The following MAN1A2 variants were observed in gnomAD, a reference collection of about 807,000 sequenced individuals.
MAN1A2 encodes mannosyl-oligosaccharide 1,2-alpha-mannosidase IB.
A neutral mutation model predicts 75.7 loss-of-function variants in MAN1A2; 26 were observed. The observed-to-expected ratio is 0.34, with a 90% CI of 0.25 to 0.48. MAN1A2 has a LOEUF of 0.48. MAN1A2 is among the 20% of genes least tolerant of loss of function. MAN1A2 has a pLI of 0.99. For synonymous variants in MAN1A2, 247 were observed against 264.6 expected (o/e 0.93, Z 0.65); for missense variants, 562 against 775.5 (o/e 0.72, Z 3.27).
chr1:117,403,328 A>T (rs1647504954), intron 2 of MAN1A2, among the ~76,000 whole-genome samples: 1 of 152,234 alleles, frequency 6.6e-6, no homozygotes, highest in African/African-American at 2.4e-5. Context: ...GAGTAGAAAT[A>T]GAGCTGTGCT....
At chr1:117,400,345 T>G (rs1459941837) in intron 1 of MAN1A2, among the ~76,000 whole-genome samples, 1 of 151,910 alleles carries the variant, frequency 6.6e-6, no homozygotes, top group African/African-American at 2.4e-5. Flanking sequence ...CTCCAGTGTT[T>G]AACATTTTAT....
At chr1:117,426,008 G>A (rs1457982186) in intron 5 of MAN1A2, among the ~76,000 whole-genome samples, 1 of 151,928 alleles carries the variant, frequency 6.6e-6, no homozygotes, top group African/African-American at 2.4e-5. Context: ...TTATAGTATA[G>A]GTCTATTGGT....
At chr1:117,522,359 A>G (rs751328111) in intron 12 of MAN1A2, among the ~76,000 whole-genome samples, 3 of 151,898 alleles carry the variant, frequency 2.0e-5, no homozygotes, top group Admixed American at 2.0e-4. Context: ...TCAATGAACT[A>G]AAATAGACCA....
At chr1:117,491,948 A>G (rs921727723) in intron 8 of MAN1A2, among the ~76,000 whole-genome samples, 1 of 152,088 alleles carries the variant, frequency 6.6e-6, no homozygotes, top group Non-Finnish European at 1.5e-5. Flanking sequence ...TTATGATAAG[A>G]CTTGAATGGA....
chr1:117,443,024 C>T (rs2101814280), intron 6 of MAN1A2, among the ~76,000 whole-genome samples: 1 of 152,196 alleles, frequency 6.6e-6, no homozygotes. Flanking sequence ...GTAATTTATG[C>T]TGACTGAAAT....
intron 8 of MAN1A2, among the ~76,000 whole-genome samples, chr1:117,471,782 T>C (rs1434887193): frequency 1.3e-5 from 2 of 151,962 alleles, no homozygotes; most frequent in East Asian, 3.9e-4. Flanking sequence ...TAATTCACAT[T>C]CTTCCTTTTG....
chr1:117,507,972 A>G (rs919033305), intron 12 of MAN1A2, among the ~76,000 whole-genome samples: 25 of 151,760 alleles, frequency 1.6e-4, no homozygotes, highest in Admixed American at 9.9e-4. Context: ...CAAGACTCCT[A>G]GGAGCGGTTC....
At chr1:117,477,401 A>C (rs1374339574) in intron 8 of MAN1A2, among the ~76,000 whole-genome samples, 1 of 152,088 alleles carries the variant, frequency 6.6e-6, no homozygotes, top group African/African-American at 2.4e-5. Context: ...AAATACTGGC[A>C]AACCGAATCC....
chr1:117,394,736 T>A (rs1436538442), intron 1 of MAN1A2, among the ~76,000 whole-genome samples: 2 of 152,126 alleles, frequency 1.3e-5, no homozygotes, highest in Non-Finnish European at 2.9e-5. Context: ...AGGATCAATT[T>A]TTAACAGTGG....
At chr1:117,508,915 A>G (rs1470343490) in intron 12 of MAN1A2, among the ~76,000 whole-genome samples, 1 of 151,732 alleles carries the variant, frequency 6.6e-6, no homozygotes, top group Non-Finnish European at 1.5e-5. Flanking sequence ...ATCTTTAAAA[A>G]TACTCTATTT....
rs141269261 is a variant in MAN1A2, at chr1:117,397,871, C to G, written c.303-4315C>G. ...TTCACCATGTTGGCCAGGCTGGTCT[C>G]GAACTCCTGACCTCACGTGATCCAC... is the stretch of plus-strand genomic sequence containing the variant. On this transcript the variant is annotated intron_variant, in intron 1 of 12. Transcript: ENST00000356554. Among the ~76,000 whole-genome samples, 616 of 151,898 alleles carry G rather than the reference C, an allele frequency of 4.1e-3. 4 individuals carry two copies. Among genetic ancestry groups the G allele is most frequent in the African/African-American group, 0.014 (590 of 41,398 alleles).
At chr1:117,508,603 A>G (rs1486829514) in intron 12 of MAN1A2, among the ~76,000 whole-genome samples, 1 of 151,708 alleles carries the variant, frequency 6.6e-6, no homozygotes, top group African/African-American at 2.4e-5. Flanking sequence ...AGATTTATGT[A>G]CAGAGATGTT....
chr1:117,471,211 AATTG>A lies in MAN1A2; in HGVS notation c.1168+4789_1168+4792del, dbSNP rs552681988. On this transcript the variant is annotated intron_variant, in intron 8 of 12. Coordinates refer to ENST00000356554, the MANE Select transcript of MAN1A2 (RefSeq NM_006699.5). ...TTATGCCCCTTTGAGTTAGAAAATG[AATTG>A]ATTGTCTTGCTTAATAATTTAGATA... 5.9e-5 allele frequency among the ~76,000 whole-genome samples: 9 copies of A among 151,978 alleles called. No individual in the cohort carries two copies. In the South Asian group the frequency reaches 1.4e-3, roughly 24 times the overall value.
intron 8 of MAN1A2, among the ~76,000 whole-genome samples, chr1:117,486,420 A>G (rs1188134146): frequency 2.0e-5 from 3 of 152,000 alleles, no homozygotes; most frequent in East Asian, 1.9e-4. Context: ...TTTTCTGTAT[A>G]CATGTTAAAT....
At chr1:117,512,816 C>G (rs1285342813) in intron 12 of MAN1A2, among the ~76,000 whole-genome samples, 1 of 149,694 alleles carries the variant, frequency 6.7e-6, no homozygotes, top group African/African-American at 2.5e-5. Flanking sequence ...TTCACTTCTA[C>G]TATTTAATAT....
chr1:117,504,422 C>T (rs552847124), intron 12 of MAN1A2, among the ~76,000 whole-genome samples: 33 of 150,702 alleles, frequency 2.2e-4, no homozygotes, highest in African/African-American at 7.3e-4. Flanking sequence ...TCTGTGTACA[C>T]TCACATATAC....
chr1:117,419,850 T>C (rs984817005), intron 4 of MAN1A2, among the ~76,000 whole-genome samples: 3 of 152,042 alleles, frequency 2.0e-5, no homozygotes, highest in African/African-American at 7.2e-5. Flanking sequence ...TATAGGTAAT[T>C]TGCATTTTAG....
intron 1 of MAN1A2, among the ~76,000 whole-genome samples, chr1:117,374,240 T>C (rs1653071007): frequency 6.6e-6 from 1 of 152,106 alleles, no homozygotes; most frequent in Admixed American, 6.5e-5. Context: ...GAGGGTGTAG[T>C]TAGCTATGAT....
intron 3 of MAN1A2, among the ~76,000 whole-genome samples, chr1:117,408,867 G>T (rs773922228): frequency 6.6e-6 from 1 of 151,868 alleles, no homozygotes; most frequent in African/African-American, 2.4e-5. Context: ...TTGAGTTTTG[G>T]TAATTTGTGG....
Sources: allele counts gnomAD v4.1 joint callset (sites outside exome capture counted in the v4.1 genomes callset), GRCh38; gene constraint gnomAD v4.1.1; transcripts MANE v1.5; gene names NCBI Gene and HGNC (gene_info 2026-07-23, HGNC 2026-07-21).